Variants in MSRB3 observed in about 807,000 individuals in gnomAD.
MSRB3 encodes methionine sulfoxide reductase B3.
In MSRB3, 13 loss-of-function variants were observed where a neutral mutation model predicts 21.0. The observed-to-expected ratio is 0.62, with a 90% CI of 0.40 to 0.98. MSRB3 has a LOEUF of 0.98. MSRB3 is among the 50% of genes least tolerant of loss of function. The pLI is 0.00. For missense variants in MSRB3, 199 were observed against 230.3 expected, an observed-to-expected ratio of 0.86 and a Z score of 0.88; for synonymous variants, 87 against 88.6, an observed-to-expected ratio of 0.98 and a Z score of 0.10.
chr12:65,381,625 T>G (rs1241888918), intron 5 of MSRB3, among the ~76,000 whole-genome samples: 1 of 152,138 alleles, frequency 6.6e-6, no homozygotes, highest in Non-Finnish European at 1.5e-5. Context: ...AGTTCTTATG[T>G]CTTGATAAAT....
chr12:65,355,634 C>T (rs1007789193), intron 4 of MSRB3, among the ~76,000 whole-genome samples: 3 of 151,856 alleles, frequency 2.0e-5, no homozygotes, highest in African/African-American at 7.2e-5. Context: ...CATTTTACTT[C>T]TATGTACTCA....
intron 4 of MSRB3, among the ~76,000 whole-genome samples, chr12:65,333,428 T>G (rs1180334510): frequency 6.6e-6 from 1 of 152,086 alleles, no homozygotes; most frequent in Non-Finnish European, 1.5e-5. Flanking sequence ...TTTTCCCAGG[T>G]GGAGGATGCC....
chr12:65,368,915 C>G (rs979426131), intron 4 of MSRB3, 83 bp from the exon 5 acceptor site: 1 of 680,924 alleles, frequency 1.5e-6, no homozygotes, highest in Non-Finnish European at 2.5e-6. Context: ...ACCTCCCCTC[C>G]CAACCACACC....
chr12:65,368,738 C>T (rs1289462117), intron 4 of MSRB3, among the ~76,000 whole-genome samples: 2 of 152,070 alleles, frequency 1.3e-5, no homozygotes, highest in Non-Finnish European at 1.5e-5. Context: ...CGTATTGTAT[C>T]CTGTTTCACC....
intron 2 of MSRB3, among the ~76,000 whole-genome samples, chr12:65,314,615 T>G (rs892150186): frequency 3.3e-5 from 5 of 152,134 alleles, no homozygotes; most frequent in African/African-American, 7.2e-5. Context: ...TAAGACTGTA[T>G]GAATAAGATG....
At chr12:65,329,095 T>C (rs1000834772) in intron 4 of MSRB3, among the ~76,000 whole-genome samples, 4 of 152,152 alleles carry the variant, frequency 2.6e-5, no homozygotes, top group African/African-American at 9.6e-5. Flanking sequence ...AATTATGTAA[T>C]ATGAGGTTAA....
chr12:65,398,994 G>GT (rs1565873447), intron 5 of MSRB3, among the ~76,000 whole-genome samples: 1 of 152,126 alleles, frequency 6.6e-6, no homozygotes, highest in African/African-American at 2.4e-5. Flanking sequence ...GTACCATGCT[G>GT]TTTTGGTTAC....
intron 5 of MSRB3, among the ~76,000 whole-genome samples, chr12:65,409,199 C>CACACAT (rs1399155007): frequency 6.6e-6 from 1 of 151,670 alleles, no homozygotes; most frequent in Non-Finnish European, 1.5e-5. Flanking sequence ...TATACACACA[C>CACACAT]ACACATACAC....
intron 5 of MSRB3, among the ~76,000 whole-genome samples, chr12:65,433,185 G>A (rs186031150): frequency 1.3e-5 from 2 of 151,934 alleles, no homozygotes; most frequent in African/African-American, 2.4e-5. Flanking sequence ...GTTTATAGCA[G>A]CATTATTCAT....
At chr12:65,356,665 T>A (rs1241816889) in intron 4 of MSRB3, among the ~76,000 whole-genome samples, 2 of 151,900 alleles carry the variant, frequency 1.3e-5, no homozygotes, top group Non-Finnish European at 2.9e-5. Context: ...ATAGGTGAGA[T>A]TTTCTTAGCT....
chr12:65,307,622 A>G (rs1335283421), intron 1 of MSRB3, among the ~76,000 whole-genome samples: 1 of 152,202 alleles, frequency 6.6e-6, no homozygotes. Context: ...GTTAATCTTT[A>G]CCAATTGAAA....
intron 5 of MSRB3, among the ~76,000 whole-genome samples, chr12:65,434,201 ACATTT>A (rs1882015694): frequency 1.3e-5 from 2 of 151,838 alleles, no homozygotes; most frequent in Admixed American, 1.3e-4. Context: ...ATCTATGTCT[ACATTT>A]CATTTCAAGT....
intron 5 of MSRB3, among the ~76,000 whole-genome samples, chr12:65,445,020 G>A (rs1198119178): frequency 1.3e-5 from 2 of 151,854 alleles, no homozygotes; most frequent in Admixed American, 6.6e-5. Context: ...TCTCATTTCT[G>A]AGCCCACATA....
chr12:65,367,567 T>C (rs1236089344), intron 4 of MSRB3, among the ~76,000 whole-genome samples: 2 of 152,192 alleles, frequency 1.3e-5, no homozygotes, highest in Non-Finnish European at 2.9e-5. Context: ...TAATAAGGCA[T>C]GGCTATAGTT....
chr12:65,291,938 G>A (rs545014216), intron 1 of MSRB3, among the ~76,000 whole-genome samples: 2 of 152,292 alleles, frequency 1.3e-5, no homozygotes, highest in African/African-American at 2.4e-5. Context: ...TGTGTTGAAC[G>A]GATTGTAGGG....
Position 65,296,301 on chromosome 12 carries a change from G to A in MSRB3, c.-51-12228G>A, listed in dbSNP as rs182014044. Among the ~76,000 whole-genome samples the A allele has an allele frequency of 3.7e-4, 55 of 149,254 alleles. 2 individuals carry two copies. The East Asian group carries it at 0.01, about 28-fold the overall frequency. Reference sequence around the variant, plus strand: ...TAATTAAACCCTCCAACACTCACACGCATGCATGCATGCACCACAGCCACA... The same window carrying A: ...TAATTAAACCCTCCAACACTCACACACATGCATGCATGCACCACAGCCACA... On this transcript the variant is annotated intron_variant, in intron 1 of 6. Transcript: ENST00000308259.
chr12:65,335,833 A>T (rs537082835), intron 4 of MSRB3, among the ~76,000 whole-genome samples: 1 of 152,340 alleles, frequency 6.6e-6, no homozygotes. Flanking sequence ...TCATAATTCC[A>T]GAAAATGTTT....
At chr12:65,415,548 A>G (rs1880925912) in intron 5 of MSRB3, among the ~76,000 whole-genome samples, 1 of 152,124 alleles carries the variant, frequency 6.6e-6, no homozygotes, top group Non-Finnish European at 1.5e-5. Context: ...ACAAGATTGA[A>G]ATTTCTGCTG....
intron 1 of MSRB3, among the ~76,000 whole-genome samples, chr12:65,290,801 T>TGA (rs901823225): frequency 3.3e-5 from 5 of 152,214 alleles, no homozygotes; most frequent in African/African-American, 1.2e-4. Flanking sequence ...AGCTTTGACT[T>TGA]TTTCAAGTAA....
Sources: gnomAD v4.1 joint callset for allele counts (sites outside exome capture counted in the v4.1 genomes callset) on GRCh38, gnomAD v4.1.1 for gene constraint, MANE v1.5 for transcripts, NCBI Gene and HGNC (gene_info 2026-07-23, HGNC 2026-07-21) for gene names.